ELN: variants seen among roughly 807,000 people sequenced by gnomAD.
ELN encodes elastin.
Under a neutral mutation model 105.8 loss-of-function variants are expected in ELN, and 65 were observed. The observed-to-expected ratio is 0.61, with a 90% CI of 0.50 to 0.75. The LOEUF is 0.75. ELN is among the 30% of genes least tolerant of loss of function. ELN has a pLI of 0.00. For missense variants in ELN, 882 were observed against 969.4 expected, an observed-to-expected ratio of 0.91 and a Z score of 1.20; for synonymous variants, 368 against 389.2, an observed-to-expected ratio of 0.95 and a Z score of 0.64.
chr7:74,031,376 T>C lies in ELN; in HGVS notation c.82+3107T>C, dbSNP rs56133616. Reference sequence around the variant, plus strand: ...GGGAATGGGCATTTTTAAAATAATCTATTCTCTTATTCAGAGTCTGCTAAT... The same window carrying C: ...GGGAATGGGCATTTTTAAAATAATCCATTCTCTTATTCAGAGTCTGCTAAT... On this transcript the variant is annotated intron_variant, in intron 1 of 32. Transcript: ENST00000252034. 8.8e-3 allele frequency among the ~76,000 whole-genome samples: 1,335 copies of C among 152,356 alleles called. 11 individuals carry two copies. The highest frequency in any genetic ancestry group is 0.014 in the Middle Eastern group (4 of 294).
chr7:74,048,466 TG>T (rs1190776848), intron 14 of ELN, 36 bp from the exon 15 acceptor site: 4 of 1,613,838 alleles, frequency 2.5e-6, no homozygotes, highest in Non-Finnish European at 3.4e-6. Context: ...ACAGGAGCAC[TG>T]TTTCAAGGTC....
chr7:74,048,240 C>A, intron 14 of ELN, 39 bp downstream of exon 14: 1 of 1,612,646 alleles, frequency 6.2e-7, no homozygotes, highest in Non-Finnish European at 8.5e-7. Flanking sequence ...CAAGGGAGCA[C>A]TGATCTTCCA....
At chr7:74,053,736 A>G (rs1272142143) in intron 18 of ELN, among the ~76,000 whole-genome samples, 1 of 148,424 alleles carries the variant, frequency 6.7e-6, no homozygotes, top group Admixed American at 6.7e-5. Flanking sequence ...GGGTGGATGG[A>G]TGGATGGGTG....
rs782638477 is a variant in ELN at position 74,063,741 on chromosome 7, C to T, written c.1993+46C>T. 3.0e-5 allele frequency: 49 copies of T among 1,610,224 alleles called. No individual in the cohort carries two copies. The highest frequency in any genetic ancestry group is 3.8e-5 in the Non-Finnish European group (45 of 1,176,896). On this transcript the variant is annotated intron_variant, in intron 29 of 32. Transcript: ENST00000252034. The surrounding 1 kb of genome is among the most constrained non-coding windows in gnomAD (Gnocchi z 4.1). ...AGTGAGTGTGTGTGGTGTGTGTATG[C>T]GAGACAGAGATGGAGACAGAGACAG...
chr7:74,051,665 G>A (rs1252230060), intron 15 of ELN, 85 bp from the exon 16 acceptor site: 1 of 1,515,332 alleles, frequency 6.6e-7, no homozygotes, highest in African/African-American at 1.4e-5. Context: ...TCACACTGGT[G>A]AAAACGCCGG....
intron 19 of ELN, among the ~76,000 whole-genome samples, 161 bp from the exon 20 acceptor site, chr7:74,056,110 T>C (rs782735916): frequency 6.6e-6 from 1 of 152,146 alleles, no homozygotes; most frequent in Non-Finnish European, 1.5e-5. Context: ...AAAGGCTTCA[T>C]GGTGGAGGTG....
In ELN at chr7:74,045,214, C is replaced by G. The variant is rs781877758; in HGVS notation, c.470-8C>G. The G allele has an allele frequency of 2.2e-5, 36 of 1,613,868 alleles. No homozygotes were observed. The highest frequency in any genetic ancestry group is 5.0e-5 in the Admixed American group (3 of 60,010). On this transcript the variant is annotated splice_region_variant and splice_polypyrimidine_tract_variant and intron_variant, in intron 9 of 32. Coordinates refer to ENST00000252034, the MANE Select transcript of ELN (RefSeq NM_000501.4). The stretch of plus-strand genomic sequence containing the variant: ...CCTTCCTACACTCACTGCTTTGTCC[C>G]CCGGCAGGAGCTCGGTTCCCCGGTG...
At chr7:74,051,141 G>C (rs1793935097) in intron 15 of ELN, among the ~76,000 whole-genome samples, 1 of 152,200 alleles carries the variant, frequency 6.6e-6, no homozygotes, top group African/African-American at 2.4e-5. Flanking sequence ...CTCAGGGTCA[G>C]ACCACTAGGG....
rs1554683519 is a variant in ELN, at chr7:74,060,415, G to A, written c.1661G>A (p.Gly554Glu). The A allele has an allele frequency of 6.2e-7, 1 of 1,613,996 alleles. No homozygotes were observed. Among genetic ancestry groups the A allele is most frequent in the African/African-American group, 1.3e-5 (1 of 74,930 alleles). ...CTTGGTGCTGGCATCCCTGGACTTG[G>A]AGTTGGTGTCGGCGTCCCTGGACTT... ...AGLGAGIPGL[G>E]VGVGVPGLGV... is the part of the protein sequence containing the mutation. Residue 554 changes from glycine to glutamate, a missense_variant, in exon 25 of 33, where the codon GGA becomes GAA. Physicochemically the swap from Gly to Glu is moderately conservative, Grantham distance 98. Transcript: ENST00000252034.
intron 3 of ELN, among the ~76,000 whole-genome samples, chr7:74,037,176 G>A (rs1438502961): frequency 2.0e-5 from 3 of 149,760 alleles, no homozygotes; most frequent in Admixed American, 6.7e-5. Flanking sequence ...CTGCCAAGCC[G>A]GCTGAGCAGG....
chr7:74,044,961 C>T (rs1459244696), intron 9 of ELN, among the ~76,000 whole-genome samples: 3 of 152,140 alleles, frequency 2.0e-5, no homozygotes, highest in Admixed American at 6.5e-5. Flanking sequence ...GTGATTAACT[C>T]CAGCATAGAG....
rs782381776 is a variant in ELN, at chr7:74,060,013, C to T, written c.1542C>T (p.Gly514=). The T allele has an allele frequency of 1.2e-5, 20 of 1,613,876 alleles. No homozygotes were observed. The highest frequency in any genetic ancestry group is 1.6e-4 in the Middle Eastern group (1 of 6,062). ...APGVGVAPGV[G]VAPGIGPGGV... ...GAGTTGGTGTGGCTCCTGGCGTTGG[C>T]GTGGCTCCCGGCATTGGCCCTGGTG... The change falls in exon 23 of 33, where the codon GGC becomes GGT. Residue 514 remains glycine, a synonymous_variant. Transcript: ENST00000252034.
chr7:74,063,709 T>C lies in ELN; in HGVS notation c.1993+14T>C, dbSNP rs1554686937. 2 of 1,614,014 alleles carry C rather than the reference T, an allele frequency of 1.2e-6. No homozygotes were observed. The highest frequency in any genetic ancestry group is 1.3e-5 in the African/African-American group (1 of 74,916). ...GGGGCCTTGGAGGTGAGAGTTGTTC[T>C]GAAATCAGTGAGTGTGTGTGGTGTG... On this transcript the variant is annotated intron_variant, in intron 29 of 32. Coordinates refer to ENST00000252034, the MANE Select transcript of ELN (RefSeq NM_000501.4). The surrounding 1 kb of genome is among the most constrained non-coding windows in gnomAD (Gnocchi z 4.1).
chr7:74,043,432 CTG>C (rs1205140256), intron 8 of ELN: 2 of 706,378 alleles, frequency 2.8e-6, no homozygotes, highest in Non-Finnish European at 5.1e-6. Flanking sequence ...GATGGGGAAA[CTG>C]AGGCTCAAAG....
chr7:74,043,997 T>A, intron 9 of ELN, 77 bp downstream of exon 9: 2 of 1,567,994 alleles, frequency 1.3e-6, no homozygotes, highest in Non-Finnish European at 1.7e-6. Flanking sequence ...TATAATCCCA[T>A]TGCTTTGGGA....
intron 32 of ELN, 137 bp from the exon 33 acceptor site, chr7:74,068,520 T>A: frequency 2.0e-6 from 2 of 986,308 alleles, no homozygotes; most frequent in African/African-American, 1.6e-5. Flanking sequence ...GGATCAGGTC[T>A]GAGTTTGGCC....
At chr7:74,061,314 C>A (rs1205007480) in intron 26 of ELN, among the ~76,000 whole-genome samples, 175 bp downstream of exon 26, 7 of 152,054 alleles carry the variant, frequency 4.6e-5, no homozygotes, top group African/African-American at 1.7e-4. Flanking sequence ...GTCAGGAGTT[C>A]CAGACCAGCC....
chr7:74,030,113 G>A (rs1443528142), intron 1 of ELN, among the ~76,000 whole-genome samples: 1 of 152,238 alleles, frequency 6.6e-6, no homozygotes, highest in African/African-American at 2.4e-5. Flanking sequence ...GTCCCAGGTG[G>A]CTGGACTTGC....
intron 4 of ELN, among the ~76,000 whole-genome samples, chr7:74,038,817 C>T (rs1554667002): frequency 1.3e-5 from 2 of 152,218 alleles, no homozygotes; most frequent in Non-Finnish European, 2.9e-5. Context: ...GATTCCCCTG[C>T]GCTAAAAGTC....
Sources: allele counts gnomAD v4.1 joint callset (sites outside exome capture counted in the v4.1 genomes callset), GRCh38; gene constraint gnomAD v4.1.1; non-coding constraint Gnocchi (gnomAD v3.1); transcripts MANE v1.5; gene names NCBI Gene and HGNC (gene_info 2026-07-23, HGNC 2026-07-21).